USP54: variants seen among roughly 807,000 people sequenced by gnomAD.
USP54 encodes ubiquitin carboxyl-terminal hydrolase 54.
Under a neutral mutation model 170.5 loss-of-function variants are expected in USP54, and 87 were observed. The ratio of observed to expected loss-of-function variants is 0.51; its 90% confidence interval spans 0.43 to 0.61. The LOEUF (loss-of-function observed/expected upper bound fraction) is 0.61, where lower values mean the gene tolerates loss of function less well. Ranked by LOEUF, USP54 falls within the 20% of genes least tolerant of loss-of-function variation. USP54 has a pLI of 0.00. For synonymous variants in USP54, 655 were observed against 742.8 expected, an observed-to-expected ratio of 0.88 and a Z score of 1.92; for missense variants, 1,786 against 2,047.8, an observed-to-expected ratio of 0.87 and a Z score of 2.47.
chr10:73,621,682 T>C (rs754754036), intron 1 of USP54, among the ~76,000 whole-genome samples: 2 of 151,928 alleles, frequency 1.3e-5, no homozygotes, highest in South Asian at 2.1e-4. Flanking sequence ...ATTTCCCCTA[T>C]ATATGAATAC....
At chr10:73,596,774 G>C (rs1475247984) in intron 1 of USP54, among the ~76,000 whole-genome samples, 1 of 144,984 alleles carries the variant, frequency 6.9e-6, no homozygotes, top group Non-Finnish European at 1.5e-5. Flanking sequence ...TTATGTTCAA[G>C]TAACTTTATT....
intron 5 of USP54, among the ~76,000 whole-genome samples, chr10:73,543,651 C>G (rs1333229909): frequency 6.6e-6 from 1 of 152,310 alleles, no homozygotes; most frequent in East Asian, 1.9e-4. Flanking sequence ...CAGGCGTGAG[C>G]CACCGCACCC....
At position 73,517,137 on chromosome 10, in the gene USP54, G is replaced by A. The variant is rs753575560; in HGVS notation, c.3289C>T (p.Leu1097Phe). 2 of 1,614,222 alleles carry A rather than the reference G, an allele frequency of 1.2e-6. No individual in the cohort carries two copies. Among genetic ancestry groups the A allele is most frequent in the Non-Finnish European group, 1.7e-6 (2 of 1,180,046 alleles). ...GAAGTTTTGAGGCTTTGGCCTTGGA[G>A]GCATTGGTTAGTTTTCTGCACAGGA... ...PDPVQKTNQC[L>F]QGQSLKTSLT... Residue 1097 changes from leucine to phenylalanine, a missense_variant, in exon 20 of 24, where the codon CTC becomes TTC. Coordinates refer to ENST00000687698, the MANE Select transcript of USP54 (RefSeq NM_001391956.1).
At chr10:73,602,351 G>A (rs1465157692) in intron 1 of USP54, among the ~76,000 whole-genome samples, 1 of 151,492 alleles carries the variant, frequency 6.6e-6, no homozygotes, top group Non-Finnish European at 1.5e-5. Context: ...AGGAGATCAA[G>A]ACCATTCTGG....
chr10:73,616,478 A>G (rs1476299566), intron 1 of USP54, among the ~76,000 whole-genome samples: 2 of 147,860 alleles, frequency 1.4e-5, no homozygotes, highest in Non-Finnish European at 3.0e-5. Flanking sequence ...AGGGAGGGGA[A>G]CAACACACAC....
At chr10:73,599,723 A>G (rs1200508179) in intron 1 of USP54, among the ~76,000 whole-genome samples, 5 of 151,684 alleles carry the variant, frequency 3.3e-5, no homozygotes, top group Admixed American at 1.3e-4. Flanking sequence ...TCTGCTGCTA[A>G]TAATAATCTA....
In USP54 at chr10:73,541,474, A is replaced by T; in HGVS notation, c.726T>A (p.Ala242=). ...CCAGCCCAATCGTGATAATCTGTGG[A>T]GCATTCATCAACACACGGCGAATCC... ...RIRIRRVLMN[A]PQIITIGLVW... is the part of the protein sequence containing the mutation. The change falls in exon 9 of 24, where the codon GCT becomes GCA. Residue 242 remains alanine (A), a synonymous_variant. Transcript: ENST00000687698. 6.2e-7 allele frequency: 1 copy of T among 1,614,178 alleles called. No homozygotes were observed. The highest frequency in any genetic ancestry group is 1.1e-5 in the South Asian group (1 of 91,074).
chr10:73,582,579 CAG>C (rs1490573538), intron 1 of USP54, among the ~76,000 whole-genome samples: 1 of 152,090 alleles, frequency 6.6e-6, no homozygotes, highest in Non-Finnish European at 1.5e-5. Flanking sequence ...TTAGTAGAGA[CAG>C]AGTTTCGCCA....
intron 1 of USP54, among the ~76,000 whole-genome samples, chr10:73,589,390 C>A (rs1171921833): frequency 6.6e-6 from 1 of 152,166 alleles, no homozygotes; most frequent in Non-Finnish European, 1.5e-5. Context: ...CCAATAGTAG[C>A]AAACTAGTAA....
intron 1 of USP54, among the ~76,000 whole-genome samples, chr10:73,608,524 T>G: frequency 6.6e-6 from 1 of 152,154 alleles, no homozygotes; most frequent in Non-Finnish European, 1.5e-5. Flanking sequence ...AGAACTGACA[T>G]CTATCACTTC....
chr10:73,512,354 G>C (rs1305018092), intron 20 of USP54, among the ~76,000 whole-genome samples: 3 of 152,034 alleles, frequency 2.0e-5, no homozygotes, highest in Non-Finnish European at 4.4e-5. Flanking sequence ...TGCCCAGCTG[G>C]TCTTGAACTC....
chr10:73,574,141 T>C (rs1229039292), intron 3 of USP54, among the ~76,000 whole-genome samples: 1 of 152,190 alleles, frequency 6.6e-6, no homozygotes, highest in African/African-American at 2.4e-5. Flanking sequence ...TAACATGCTA[T>C]GGGCGTGACT....
Position 73,621,125 on chromosome 10 carries a change from C to T in USP54, c.-18+4442G>A, listed in dbSNP as rs111438656. 4.0e-3 allele frequency among the ~76,000 whole-genome samples: 601 copies of T among 149,626 alleles called. 69 individuals carry two copies. Among genetic ancestry groups the T allele is most frequent in the African/African-American group, 0.014 (555 of 39,292 alleles). On this transcript the variant is annotated intron_variant, in intron 1 of 22. Transcript: ENST00000339859. ...GAGCCAAGATTGTGCCACTGCACTC[C>T]GGCCTGGGTGACAGAGCAAGACTCT...
intron 1 of USP54, among the ~76,000 whole-genome samples, chr10:73,576,865 G>A (rs1468371486): frequency 1.3e-5 from 2 of 152,206 alleles, no homozygotes; most frequent in East Asian, 1.9e-4. Flanking sequence ...CACTGATGGC[G>A]AGTAAACCAC....
chr10:73,498,871 G>A lies in USP54; in HGVS notation c.4813C>T (p.Pro1605Ser), dbSNP rs891073502. 9.9e-6 allele frequency: 16 copies of A among 1,613,442 alleles called. No homozygotes were observed. Among genetic ancestry groups the A allele is most frequent in the East Asian group, 2.2e-5 (1 of 44,884 alleles). ...SHPPIVHPVY[P>S]PSSSLHVPLR... Reference sequence around the variant, plus strand: ...GGTACATGAAGACTGCTAGATGGTGGGTACACAGGATGAACAATGGGAGGG... The same window carrying A: ...GGTACATGAAGACTGCTAGATGGTGAGTACACAGGATGAACAATGGGAGGG... Residue 1605 changes from proline (P) to serine (S), a missense_variant, in exon 24 of 24, where the codon CCA becomes TCA. Coordinates refer to ENST00000687698, the MANE Select transcript of USP54 (RefSeq NM_001391956.1).
intron 4 of USP54, among the ~76,000 whole-genome samples, chr10:73,564,938 G>T (rs1404680283): frequency 2.0e-5 from 3 of 151,394 alleles, no homozygotes; most frequent in African/African-American, 7.3e-5. Flanking sequence ...GTTGGGCATG[G>T]TGGCACACAT....
At chr10:73,528,339 C>T (rs1179854859) in intron 15 of USP54, among the ~76,000 whole-genome samples, 1 of 152,088 alleles carries the variant, frequency 6.6e-6, no homozygotes, top group Non-Finnish European at 1.5e-5. Flanking sequence ...GCAACGTCCA[C>T]CTCCTGGGTT....
chr10:73,545,316 A>G (rs1443721482), intron 5 of USP54, among the ~76,000 whole-genome samples: 2 of 152,190 alleles, frequency 1.3e-5, no homozygotes, highest in African/African-American at 2.4e-5. Context: ...GTGAGAGCTG[A>G]TGTTTTATGC....
Position 73,545,547 on chromosome 10 carries a change from T to G in USP54, c.366A>C (p.Ala122=). Residue 122 remains alanine, a synonymous_variant, in exon 5 of 24, where the codon GCA becomes GCC. Coordinates refer to ENST00000687698, the MANE Select transcript of USP54 (RefSeq NM_001391956.1). ...AGAGGCCAGCACTTACAAAGCACTC[T>G]GCAGCATCATCCATAATTCCCAGCT... ...RFQLGIMDDA[A]ECFENLLMRI... is the part of the protein sequence containing the mutation. The G allele has an allele frequency of 1.2e-6, 2 of 1,614,152 alleles. No individual in the cohort carries two copies. Among genetic ancestry groups the G allele is most frequent in the East Asian group, 2.2e-5 (1 of 44,876 alleles).
Sources: allele counts gnomAD v4.1 joint callset (sites outside exome capture counted in the v4.1 genomes callset), GRCh38; gene constraint gnomAD v4.1.1; transcripts MANE v1.5; gene names NCBI Gene and HGNC (gene_info 2026-07-23, HGNC 2026-07-21).